Variants in SPG11 observed in about 807,000 individuals in gnomAD.
SPG11 encodes SPG11 vesicle trafficking associated, spatacsin, also known as spatacsin.
A neutral mutation model predicts 274.0 loss-of-function variants in SPG11; 222 were observed. The observed-to-expected ratio is 0.81, with a 90% CI of 0.73 to 0.91. SPG11 has a LOEUF of 0.91. SPG11 is among the 40% of genes least tolerant of loss of function. The pLI is 0.00. For synonymous variants in SPG11, 1,144 were observed against 1,039.7 expected (o/e 1.10, Z -1.93); for missense variants, 3,114 against 2,872.7 (o/e 1.08, Z -1.92).
At chr15:44,615,186 T>C (rs2083561652) in intron 16 of SPG11, among the ~76,000 whole-genome samples, 177 bp downstream of exon 16, 1 of 152,226 alleles carries the variant, frequency 6.6e-6, no homozygotes. Context: ...AGCATTTTGC[T>C]GAATGTAGTA....
At chr15:44,605,999 C>T in intron 20 of SPG11, 26 bp downstream of exon 20, 1 of 1,598,212 alleles carries the variant, frequency 6.3e-7, no homozygotes, top group Non-Finnish European at 8.6e-7. Flanking sequence ...TAAAACATGT[C>T]TCAAGAAGTA....
intron 30 of SPG11, among the ~76,000 whole-genome samples, chr15:44,576,264 A>G (rs578256629): frequency 6.6e-6 from 1 of 152,278 alleles, no homozygotes; most frequent in East Asian, 1.9e-4. Context: ...TGTAATGGCA[A>G]AAACAAAACA....
intron 34 of SPG11, 151 bp downstream of exon 34, chr15:44,570,374 G>A: frequency 1.1e-6 from 1 of 943,610 alleles, no homozygotes; most frequent in Non-Finnish European, 1.6e-6. Context: ...GGAGCAGAGG[G>A]TTGGGCTGCC....
chr15:44,596,428 A>G, intron 24 of SPG11, 73 bp from the exon 25 acceptor site: 1 of 1,544,620 alleles, frequency 6.5e-7, no homozygotes, highest in African/African-American at 1.4e-5. Flanking sequence ...TGTTAGAGAA[A>G]AGCATAGACA....
At chr15:44,595,058 C>A (rs542343115) in intron 26 of SPG11, among the ~76,000 whole-genome samples, 2 of 152,250 alleles carry the variant, frequency 1.3e-5, no homozygotes, top group Admixed American at 6.5e-5. Flanking sequence ...CTCAAGTGAT[C>A]CACCCGCCTC....
chr15:44,607,629 G>A (rs1275855301), intron 19 of SPG11, among the ~76,000 whole-genome samples: 2 of 152,194 alleles, frequency 1.3e-5, no homozygotes, highest in African/African-American at 4.8e-5. Context: ...TGTGTATTCA[G>A]GGAAAAAAGG....
rs111357161 is a variant in SPG11 at position 44,621,594 on chromosome 15, C to G, written c.2620+165G>C. 3.1e-4 allele frequency: 215 copies of G among 685,516 alleles called. 1 individual carries two copies. In the African/African-American group the frequency reaches 3.4e-3, roughly 11 times the overall value. 42.5% of individuals were successfully genotyped at this position (685,516 alleles called of 1,614,324 possible). A position where few individuals can be genotyped will look rare whatever the true frequency, so the allele number is the denominator to read the frequency against. ...ACATTATAAATCCCTCCCAGAAACT[C>G]TGAGATAAGAAAGAGATCTTAATGC... On this transcript the variant is annotated intron_variant, in intron 14 of 39. Transcript: ENST00000261866.
At chr15:44,648,512 C>CAAAAA (rs57643988) in intron 7 of SPG11, among the ~76,000 whole-genome samples, 1 of 54,178 alleles carries the variant, frequency 1.8e-5, no homozygotes, top group Non-Finnish European at 4.3e-5. Flanking sequence ...CACCCTGTGT[C>CAAAAA]AAAAAAAAAA....
chr15:44,618,555 C>T (rs534182308), intron 15 of SPG11, among the ~76,000 whole-genome samples: 11 of 147,938 alleles, frequency 7.4e-5, no homozygotes, highest in East Asian at 6.0e-4. Flanking sequence ...CGGTGGCTCA[C>T]GCCTGTAATC....
At position 44,563,017 on chromosome 15, in the gene SPG11, C is replaced by A. The variant is rs2082223909; in HGVS notation, c.*104G>T. 1.7e-6 allele frequency: 2 copies of A among 1,164,058 alleles called. No homozygotes were observed. Among genetic ancestry groups the A allele is most frequent in the African/African-American group, 3.0e-5 (2 of 65,882 alleles). 72.1% of individuals were successfully genotyped at this position (1,164,058 alleles called of 1,614,324 possible). A position where few individuals can be genotyped will look rare whatever the true frequency, so the allele number is the denominator to read the frequency against. ...CACAAAGGACTGATATGGTACAGTA[C>A]CGGGATTGTTCAACTTTAGCAAAGA... On this transcript the variant is annotated 3_prime_UTR_variant, in exon 40 of 40. Coordinates refer to ENST00000261866, the MANE Select transcript of SPG11 (RefSeq NM_025137.4).
At chr15:44,574,873 A>T (rs767003734) in intron 31 of SPG11, 29 bp downstream of exon 31, 1 of 1,612,980 alleles carries the variant, frequency 6.2e-7, no homozygotes, top group Non-Finnish European at 8.5e-7. Flanking sequence ...TCCCTCTCAG[A>T]AAGAGGAGCC....
At chr15:44,637,623 T>C (rs2084316815) in intron 7 of SPG11, among the ~76,000 whole-genome samples, 1 of 152,134 alleles carries the variant, frequency 6.6e-6, no homozygotes, top group Non-Finnish European at 1.5e-5. Context: ...AAAATACATT[T>C]TCAATTTTCA....
chr15:44,604,908 T>C (rs2083281535), intron 20 of SPG11, among the ~76,000 whole-genome samples: 1 of 105,858 alleles, frequency 9.4e-6, no homozygotes, highest in African/African-American at 3.8e-5. Context: ...CACTCCAGCC[T>C]GGGCGGAACA....
intron 33 of SPG11, among the ~76,000 whole-genome samples, chr15:44,571,227 T>C (rs1393353030): frequency 6.6e-6 from 1 of 152,238 alleles, no homozygotes. Flanking sequence ...CTTTTGCATC[T>C]GCAGGGCCCT....
intron 39 of SPG11, 37 bp from the exon 40 acceptor site, chr15:44,563,338 G>GTT: frequency 6.3e-7 from 1 of 1,586,646 alleles, no homozygotes; most frequent in Non-Finnish European, 8.6e-7. Flanking sequence ...TTAAGATACT[G>GTT]TTTTTTGTTT....
At chr15:44,660,680 G>C (rs2085079552) in intron 1 of SPG11, 64 bp from the exon 2 acceptor site, 2 of 1,473,174 alleles carry the variant, frequency 1.4e-6, no homozygotes, top group Non-Finnish European at 1.9e-6. Flanking sequence ...CACAATGGTG[G>C]GGGTAGAAGG....
chr15:44,617,234 T>G (rs2141018074), intron 15 of SPG11, among the ~76,000 whole-genome samples: 1 of 152,364 alleles, frequency 6.6e-6, no homozygotes, highest in East Asian at 1.9e-4. Context: ...GCAGCTCTCT[T>G]GGTCTCAGTG....
At position 44,586,339 on chromosome 15, in the gene SPG11, A is replaced by T; in HGVS notation, c.4907-489T>A. 2.6e-5 allele frequency among the ~76,000 whole-genome samples: 4 copies of T among 152,296 alleles called. No homozygotes were observed. The South Asian group carries it at 8.3e-4, about 32-fold the overall frequency. On this transcript the variant is annotated intron_variant, in intron 28 of 39. Coordinates refer to ENST00000261866, the MANE Select transcript of SPG11 (RefSeq NM_025137.4). ...AAGTCTGACTGAACTTGCTTGTCAT[A>T]TAGTAAGAGGTGTTACAGATTAATG...
intron 30 of SPG11, among the ~76,000 whole-genome samples, chr15:44,583,441 A>G (rs958306344): frequency 6.6e-6 from 1 of 152,182 alleles, no homozygotes; most frequent in Non-Finnish European, 1.5e-5. Context: ...CTGGGCGACA[A>G]GAATGAAACA....
Sources: gnomAD v4.1 joint callset for allele counts (sites outside exome capture counted in the v4.1 genomes callset) on GRCh38, gnomAD v4.1.1 for gene constraint, MANE v1.5 for transcripts, NCBI Gene and HGNC (gene_info 2026-07-23, HGNC 2026-07-21) for gene names.